The following TAS2R1 variants were observed in gnomAD, a reference collection of about 807,000 sequenced individuals.
TAS2R1 encodes the protein taste 2 receptor member 1.
For synonymous variants in TAS2R1, 141 were observed against 134.2 expected (o/e 1.05, Z -0.35); for missense variants, 370 against 353.4 (o/e 1.05, Z -0.38).
At chr5:9,790,241 G>A in the TAS2R1 span, among the ~76,000 whole-genome samples, 1 of 152,206 alleles carries the variant, frequency 6.6e-6, no homozygotes, top group Non-Finnish European at 1.5e-5. Flanking sequence ...ACAAAGAGCA[G>A]TATTTGCTCC....
the TAS2R1 span, among the ~76,000 whole-genome samples, chr5:9,815,990 T>A: frequency 3.9e-5 from 6 of 152,116 alleles, no homozygotes; most frequent in Admixed American, 1.3e-4. Context: ...CCCTAACTAA[T>A]CAACAGCCTG....
chr5:9,656,105 T>C (rs1740412987), intron 2 of TAS2R1, among the ~76,000 whole-genome samples: 1 of 152,136 alleles, frequency 6.6e-6, no homozygotes, highest in African/African-American at 2.4e-5. Context: ...ACAAAATCAG[T>C]TCTGTAAGGG....
At chr5:9,652,134 G>A (rs1267841155) in intron 2 of TAS2R1, among the ~76,000 whole-genome samples, 4 of 152,192 alleles carry the variant, frequency 2.6e-5, no homozygotes, top group Non-Finnish European at 5.9e-5. Flanking sequence ...ACTGATCATG[G>A]AGACATAGTA....
chr5:9,837,312 C>T, the TAS2R1 span, among the ~76,000 whole-genome samples: 1 of 152,116 alleles, frequency 6.6e-6, no homozygotes, highest in South Asian at 2.1e-4. Flanking sequence ...GTTATGGTGA[C>T]GGATGGGGTC....
the TAS2R1 span, among the ~76,000 whole-genome samples, chr5:9,868,970 A>G: frequency 9.9e-5 from 15 of 152,172 alleles, no homozygotes; most frequent in Non-Finnish European, 1.5e-4. Flanking sequence ...TATTGTCCAT[A>G]TCACTATCTG....
At chr5:9,717,983 T>C in the TAS2R1 span, among the ~76,000 whole-genome samples, 2 of 152,328 alleles carry the variant, frequency 1.3e-5, no homozygotes, top group Admixed American at 6.5e-5. Flanking sequence ...TTATTTTAGA[T>C]GGAGTCTCAC....
the TAS2R1 span, among the ~76,000 whole-genome samples, chr5:9,862,410 A>G: frequency 5.9e-5 from 9 of 152,100 alleles, no homozygotes; most frequent in Non-Finnish European, 1.3e-4. Flanking sequence ...ACCTGCAGAA[A>G]AGCAGCCGTG....
chr5:9,715,122 T>G (rs951713680), upstream of TAS2R1, among the ~76,000 whole-genome samples: 2 of 152,214 alleles, frequency 1.3e-5, no homozygotes, highest in African/African-American at 4.8e-5. Context: ...ATTGGCACCT[T>G]GCTCCCCAGC....
At chr5:9,861,502 G>C in the TAS2R1 span, among the ~76,000 whole-genome samples, 1 of 152,202 alleles carries the variant, frequency 6.6e-6, no homozygotes, top group African/African-American at 2.4e-5. Context: ...TCAACATAGA[G>C]TGTTGGAAGA....
the TAS2R1 span, among the ~76,000 whole-genome samples, chr5:9,754,608 C>G: frequency 6.6e-6 from 1 of 152,160 alleles, no homozygotes; most frequent in African/African-American, 2.4e-5. Flanking sequence ...ACATCAATAA[C>G]AGAGAGCCAA....
At chr5:9,793,652 A>G in the TAS2R1 span, among the ~76,000 whole-genome samples, 2 of 152,114 alleles carry the variant, frequency 1.3e-5, no homozygotes, top group East Asian at 3.9e-4. Flanking sequence ...TCAGCATTGG[A>G]TGTGGTGTGT....
chr5:9,867,700 G>C, the TAS2R1 span, among the ~76,000 whole-genome samples: 1 of 152,092 alleles, frequency 6.6e-6, no homozygotes, highest in Non-Finnish European at 1.5e-5. Context: ...TGCCTTCCCA[G>C]CAGTCCTCCA....
chr5:9,737,542 A>G, the TAS2R1 span, among the ~76,000 whole-genome samples: 2 of 152,190 alleles, frequency 1.3e-5, no homozygotes, highest in African/African-American at 4.8e-5. Context: ...CCCCTTCTGC[A>G]GGTCCAGCCT....
the TAS2R1 span, among the ~76,000 whole-genome samples, chr5:9,829,834 C>T: frequency 6.6e-6 from 1 of 151,770 alleles, no homozygotes; most frequent in African/African-American, 2.4e-5. Context: ...GGCAGTGTAC[C>T]CCAAGCGAAA....
intron 1 of TAS2R1, among the ~76,000 whole-genome samples, chr5:9,703,497 C>A (rs1197735536): frequency 1.3e-5 from 2 of 152,066 alleles, no homozygotes; most frequent in African/African-American, 4.8e-5. Context: ...AGCAACAGGG[C>A]CACATGGAGA....
At chr5:9,817,115 G>C in the TAS2R1 span, among the ~76,000 whole-genome samples, 1 of 152,076 alleles carries the variant, frequency 6.6e-6, no homozygotes, top group Non-Finnish European at 1.5e-5. Context: ...AAAAGTGAGC[G>C]GAATATCAGG....
intron 2 of TAS2R1, among the ~76,000 whole-genome samples, chr5:9,644,639 T>G (rs2126483552): frequency 6.6e-6 from 1 of 152,272 alleles, no homozygotes; most frequent in Non-Finnish European, 1.5e-5. Flanking sequence ...GAAATATGCA[T>G]TTGGAATTTG....
intron 1 of TAS2R1, among the ~76,000 whole-genome samples, chr5:9,668,457 A>G (rs998931056): frequency 2.6e-5 from 4 of 152,198 alleles, no homozygotes; most frequent in Non-Finnish European, 5.9e-5. Context: ...GACACTAATC[A>G]TCAGATCCTC....
chr5:9,900,786 A>G, the TAS2R1 span, among the ~76,000 whole-genome samples: 1 of 151,938 alleles, frequency 6.6e-6, no homozygotes, highest in Admixed American at 6.6e-5. Context: ...ATGCCCGGCT[A>G]ATTTTTTTTT....
Sources: allele counts gnomAD v4.1 joint callset (sites outside exome capture counted in the v4.1 genomes callset), GRCh38; gene constraint gnomAD v4.1.1; transcripts MANE v1.5; gene names NCBI Gene and HGNC (gene_info 2026-07-23, HGNC 2026-07-21).